Variants in HDAC4 observed in about 807,000 individuals in gnomAD.
HDAC4 encodes the protein histone deacetylase A.
In HDAC4, 16 loss-of-function variants were observed where a neutral mutation model predicts 135.1. That is an observed-to-expected ratio of 0.12 (90% confidence interval 0.08 to 0.18). The LOEUF is 0.18. HDAC4 is among the 10% of genes least tolerant of loss of function. The probability of loss-of-function intolerance (pLI) is 1.00; values close to 1 mark genes in which losing one functional copy is unlikely to be tolerated. For missense variants in HDAC4, 1,143 were observed against 1,511.8 expected (o/e 0.76, Z 4.05); for synonymous variants, 685 against 653.4 (o/e 1.05, Z -0.74).
At position 239,051,573 on chromosome 2, in the gene HDAC4, A is replaced by T. The variant is rs1198930464; in HGVS notation, c.*1524T>A. 6.6e-6 allele frequency: 1 copy of T among 152,662 alleles called. No individual in the cohort carries two copies. Among genetic ancestry groups the T allele is most frequent in the Non-Finnish European group, 1.5e-5 (1 of 68,050 alleles). 9.5% of individuals were successfully genotyped at this position (152,662 alleles called of 1,614,324 possible). ...TGAAAAAATTCATACAAAAATCAAC[A>T]GCAAATTTATATTCTTTGCTATAAA... On this transcript the variant is annotated 3_prime_UTR_variant, in exon 27 of 27. Transcript: ENST00000543185.
At position 239,347,844 on chromosome 2, in the gene HDAC4, C is replaced by CGT. The variant is rs547663380; in HGVS notation, c.22+4832_22+4833dup. Among the ~76,000 whole-genome samples, 59 of 152,280 alleles carry CGT rather than the reference C, an allele frequency of 3.9e-4. 1 individual carries two copies. Among genetic ancestry groups the CGT allele is most frequent in the South Asian group, 3.5e-3 (17 of 4,824 alleles). On this transcript the variant is annotated intron_variant, in intron 2 of 26. Transcript: ENST00000543185. ...ATTTTGTTTTGAACTAAACATTATC[C>CGT]GTACCTCGCACCAAGATTCCAGGAG...
At chr2:239,180,677 T>G (rs1296867666) in intron 4 of HDAC4, among the ~76,000 whole-genome samples, 2 of 152,208 alleles carry the variant, frequency 1.3e-5, no homozygotes, top group Non-Finnish European at 2.9e-5. Flanking sequence ...AACCTCAAAC[T>G]GGCGCTGGCA....
At chr2:239,153,163 G>C (rs2042217549) in intron 7 of HDAC4, among the ~76,000 whole-genome samples, 1 of 152,188 alleles carries the variant, frequency 6.6e-6, no homozygotes. Flanking sequence ...GTTTGAGCTG[G>C]TACAGGCGTT....
chr2:239,145,066 G>T (rs1396667779), intron 7 of HDAC4, among the ~76,000 whole-genome samples: 1 of 152,072 alleles, frequency 6.6e-6, no homozygotes, highest in Non-Finnish European at 1.5e-5. Flanking sequence ...GCTGAGGTGT[G>T]AAGTCACTTA....
intron 1 of HDAC4, among the ~76,000 whole-genome samples, chr2:239,358,809 A>G (rs902787282): frequency 1.3e-5 from 2 of 152,212 alleles, no homozygotes; most frequent in Admixed American, 6.5e-5. Flanking sequence ...GTACACACAC[A>G]AAGTCATTTC....
chr2:239,090,374 C>T (rs954475378), intron 17 of HDAC4, among the ~76,000 whole-genome samples: 6 of 151,808 alleles, frequency 4.0e-5, no homozygotes, highest in Non-Finnish European at 7.4e-5. Flanking sequence ...CCTCCTTTCC[C>T]TCAATTGCTT....
At position 239,307,580 on chromosome 2, in the gene HDAC4, A is replaced by T. The variant is rs912317263; in HGVS notation, c.22+45098T>A. ...GATAAAGTGAGTGTCTGCTTCCTGG[A>T]CCTCGCAGACTCACCAGGGACCCTA... On this transcript the variant is annotated intron_variant, in intron 2 of 26. Transcript: ENST00000543185. The surrounding 1 kb of genome is among the most constrained non-coding windows in gnomAD (Gnocchi z 4.8). 9.2e-5 allele frequency among the ~76,000 whole-genome samples: 14 copies of T among 152,114 alleles called. 1 individual carries two copies. Among genetic ancestry groups the T allele is most frequent in the African/African-American group, 2.7e-4 (11 of 41,420 alleles).
At chr2:239,150,761 T>C (rs539367700) in intron 7 of HDAC4, among the ~76,000 whole-genome samples, 1 of 149,128 alleles carries the variant, frequency 6.7e-6, no homozygotes, top group African/African-American at 2.5e-5. Context: ...CACCTTCACA[T>C]ACAGCAGCAG....
chr2:239,290,025 T>A (rs890040807), intron 2 of HDAC4, among the ~76,000 whole-genome samples: 1 of 152,170 alleles, frequency 6.6e-6, no homozygotes, highest in African/African-American at 2.4e-5. Context: ...ACAGAAAAGA[T>A]CTTATTTTCT....
In HDAC4 at chr2:239,270,527, A is replaced by G. The variant is rs376343348; in HGVS notation, c.23-33863T>C. Among the ~76,000 whole-genome samples, 3 of 152,226 alleles carry G rather than the reference A, an allele frequency of 2.0e-5. No homozygotes were observed. In the South Asian group the frequency reaches 6.2e-4, roughly 32 times the overall value. ...CCTTTAAAAATGAGAATCCAGAATA[A>G]GCTGAAATAGTCCGGGGGCTAAAAA... On this transcript the variant is annotated intron_variant, in intron 2 of 26. Transcript: ENST00000543185.
intron 24 of HDAC4, among the ~76,000 whole-genome samples, chr2:239,062,315 G>A (rs1008319394): frequency 3.3e-5 from 5 of 152,236 alleles, no homozygotes; most frequent in Non-Finnish European, 5.9e-5. Context: ...GCAGCAACAG[G>A]GTCCCCGCAG....
intron 7 of HDAC4, among the ~76,000 whole-genome samples, chr2:239,148,057 G>A (rs1270415847): frequency 6.6e-6 from 1 of 152,198 alleles, no homozygotes. Flanking sequence ...TTGTGGGCCT[G>A]ATGCAATGTC....
intron 16 of HDAC4, among the ~76,000 whole-genome samples, chr2:239,097,975 C>A (rs1265822724): frequency 2.0e-5 from 3 of 152,204 alleles, no homozygotes; most frequent in Admixed American, 2.0e-4. Context: ...ATAATGCACG[C>A]GCTCAGCTAT....
intron 17 of HDAC4, among the ~76,000 whole-genome samples, chr2:239,090,744 G>A (rs1306140307): frequency 6.6e-6 from 1 of 152,078 alleles, no homozygotes; most frequent in Non-Finnish European, 1.5e-5. Flanking sequence ...TTGGATTAGG[G>A]ATGCTGAACT....
At position 239,217,575 on chromosome 2, in the gene HDAC4, G is replaced by A. The variant is rs566296830; in HGVS notation, c.94+19018C>T. The stretch of plus-strand genomic sequence containing the variant: ...AGAGACGGCAGAAAGTGTCTGTGCC[G>A]ACGGGCTACTCTCTCACATCGTCTG... On this transcript the variant is annotated intron_variant, in intron 3 of 26. Coordinates refer to ENST00000543185, the MANE Select transcript of HDAC4 (RefSeq NM_001378414.1). 1.4e-4 allele frequency among the ~76,000 whole-genome samples: 21 copies of A among 152,236 alleles called. 1 individual carries two copies. The South Asian group carries it at 4.1e-3, about 30-fold the overall frequency.
intron 19 of HDAC4, among the ~76,000 whole-genome samples, chr2:239,085,072 A>T (rs62189544): frequency 4.9e-5 from 7 of 142,336 alleles, no homozygotes; most frequent in South Asian, 2.3e-4. Flanking sequence ...ACACACACAC[A>T]CTCTCCTGCT....
intron 9 of HDAC4, among the ~76,000 whole-genome samples, chr2:239,135,378 T>C (rs2040879285): frequency 6.6e-6 from 1 of 151,594 alleles, no homozygotes; most frequent in Non-Finnish European, 1.5e-5. Flanking sequence ...CAACTAACAG[T>C]GAGAAAAGCA....
intron 2 of HDAC4, among the ~76,000 whole-genome samples, chr2:239,332,291 C>G (rs1411031888): frequency 2.0e-5 from 3 of 152,150 alleles, no homozygotes; most frequent in African/African-American, 7.2e-5. Context: ...CCACGGCTGA[C>G]TTCTTCTCTT....
At chr2:239,248,088 C>G (rs773095401) in intron 2 of HDAC4, among the ~76,000 whole-genome samples, 4 of 152,320 alleles carry the variant, frequency 2.6e-5, no homozygotes, top group African/African-American at 4.8e-5. Flanking sequence ...CCAGCAGCTA[C>G]CCAAGTGACA....
Sources: allele counts gnomAD v4.1 joint callset (sites outside exome capture counted in the v4.1 genomes callset), GRCh38; gene constraint gnomAD v4.1.1; non-coding constraint Gnocchi (gnomAD v3.1); transcripts MANE v1.5; gene names NCBI Gene and HGNC (gene_info 2026-07-23, HGNC 2026-07-21).